Variants in TBC1D12 observed in about 807,000 individuals in gnomAD.
TBC1D12 encodes TBC1 domain family member 12, also known as TBC1 domain family, member 12.
TBC1D12 carries 56 observed loss-of-function variants against 86.7 expected under a neutral mutation model. That is an observed-to-expected ratio of 0.65 (90% CI 0.52 to 0.81). TBC1D12 has a LOEUF of 0.81. Among genes scored for constraint, TBC1D12 ranks in the 30% least tolerant of loss-of-function variants. The pLI, the probability that TBC1D12 is intolerant of heterozygous loss-of-function variation, is 0.00. For missense variants in TBC1D12, 1,023 were observed against 1,038.8 expected (o/e 0.98, Z 0.21); for synonymous variants, 421 against 411.7 (o/e 1.02, Z -0.27).
At chr10:94,522,180 T>C (rs1046040055) in intron 10 of TBC1D12, 97 bp downstream of exon 10, 1 of 1,414,656 alleles carries the variant, frequency 7.1e-7, no homozygotes, top group Non-Finnish European at 9.6e-7. Flanking sequence ...TAATCTAATA[T>C]AAACTTATCA....
chr10:94,438,796 T>A (rs1429068688), intron 1 of TBC1D12, among the ~76,000 whole-genome samples: 1 of 150,800 alleles, frequency 6.6e-6, no homozygotes, highest in Non-Finnish European at 1.5e-5. Context: ...TACTCTTAGT[T>A]TTTTTTTTTA....
intron 2 of TBC1D12, among the ~76,000 whole-genome samples, chr10:94,450,480 A>T (rs187063525): frequency 1.3e-5 from 2 of 152,204 alleles, no homozygotes; most frequent in East Asian, 3.9e-4. Context: ...AGGACAGTAT[A>T]TCAAAGATAC....
At position 94,402,995 on chromosome 10, in the gene TBC1D12, C is replaced by T. The variant is rs775734710; in HGVS notation, c.382C>T (p.Pro128Ser). 22 of 1,575,884 alleles carry T rather than the reference C, an allele frequency of 1.4e-5. No homozygotes were observed. Among genetic ancestry groups the T allele is most frequent in the Non-Finnish European group, 1.5e-5 (17 of 1,165,446 alleles). ...RGAEVADGRA[P>S]RHEGMTNGDS... is the part of the protein sequence containing the mutation. ...CGCGGAGGTGGCTGATGGCCGCGCG[C>T]CGCGGCACGAAGGCATGACCAACGG... The change falls in exon 1 of 13, where the codon CCG becomes TCG. Residue 128 changes from proline (P) to serine (S), a missense_variant. Pro to Ser is a moderately conservative substitution (Grantham distance 74). Transcript: ENST00000225235.
intron 2 of TBC1D12, among the ~76,000 whole-genome samples, chr10:94,455,481 A>G (rs2055613889): frequency 6.6e-6 from 1 of 152,140 alleles, no homozygotes; most frequent in Non-Finnish European, 1.5e-5. Context: ...TCTTCCTTAA[A>G]TGTTTGGTAG....
intron 4 of TBC1D12, among the ~76,000 whole-genome samples, chr10:94,495,806 G>T (rs1034524002): frequency 3.1e-4 from 47 of 151,774 alleles, no homozygotes; most frequent in African/African-American, 1.1e-3. Context: ...ACAAATAAAA[G>T]AAAGTAGAGA....
At position 94,403,428 on chromosome 10, in the gene TBC1D12, A is replaced by C. The variant is rs989607302; in HGVS notation, c.815A>C (p.Asn272Thr). 5 of 1,548,534 alleles carry C rather than the reference A, an allele frequency of 3.2e-6. No homozygotes were observed. In the Admixed American group the frequency reaches 5.9e-5, roughly 18 times the overall value. ...CTGGGCTTTTCTGACATTCACTTCA[A>C]CTCTCGCAACACGTTCCAGGTGAGC... ...PRLGFSDIHF[N>T]SRNTFQVSRG... is the part of the protein sequence containing the mutation. Residue 272 changes from asparagine (N) to threonine (T), a missense_variant, in exon 1 of 13, where the codon AAC becomes ACC. Transcript: ENST00000225235.
Position 94,515,530 on chromosome 10 carries a change from G to A in TBC1D12, c.1761+3876G>A, listed in dbSNP as rs561042221. On this transcript the variant is annotated intron_variant, in intron 9 of 12. Transcript: ENST00000225235. Reference sequence around the variant, plus strand: ...GCCCAGCTGATTTTTTGTATTTTTAGTAGAGACGGGGTTTCACTGTGTTGA... The same window carrying A: ...GCCCAGCTGATTTTTTGTATTTTTAATAGAGACGGGGTTTCACTGTGTTGA... Among the ~76,000 whole-genome samples, 10 of 151,372 alleles carry A rather than the reference G, an allele frequency of 6.6e-5. No homozygotes were observed. The South Asian group carries it at 2.1e-3, about 32-fold the overall frequency.
At chr10:94,517,376 TCAAAA>T (rs1293448297) in intron 9 of TBC1D12, among the ~76,000 whole-genome samples, 1 of 152,208 alleles carries the variant, frequency 6.6e-6, no homozygotes, top group Admixed American at 6.5e-5. Flanking sequence ...AGACTCTGTC[TCAAAA>T]CAAACAAACA....
At chr10:94,475,847 A>G (rs1248681370) in intron 3 of TBC1D12, among the ~76,000 whole-genome samples, 2 of 152,170 alleles carry the variant, frequency 1.3e-5, no homozygotes, top group African/African-American at 4.8e-5. Context: ...AAGCAAGACC[A>G]CTTGGTTCTT....
intron 9 of TBC1D12, 43 bp downstream of exon 9, chr10:94,511,697 A>G (rs1270450327): frequency 7.7e-7 from 1 of 1,304,808 alleles, no homozygotes; most frequent in South Asian, 1.2e-5. Flanking sequence ...TAAGCATTTT[A>G]TCTACACTCT....
intron 1 of TBC1D12, among the ~76,000 whole-genome samples, chr10:94,420,189 G>C (rs1282294389): frequency 1.3e-5 from 2 of 152,104 alleles, no homozygotes; most frequent in African/African-American, 4.8e-5. Flanking sequence ...GCCCTGGAGA[G>C]CTTGCTTCCC....
intron 2 of TBC1D12, among the ~76,000 whole-genome samples, chr10:94,444,293 T>C (rs2055420905): frequency 6.6e-6 from 1 of 152,006 alleles, no homozygotes; most frequent in Admixed American, 6.6e-5. Flanking sequence ...TGGACATAGC[T>C]ACTTATTAAA....
Position 94,402,910 on chromosome 10 carries a change from G to A in TBC1D12, c.297G>A (p.Pro99=). The A allele has an allele frequency of 1.3e-6, 2 of 1,499,796 alleles. No individual in the cohort carries two copies. The highest frequency in any genetic ancestry group is 2.6e-5 in the South Asian group (2 of 76,900). 92.9% of individuals were successfully genotyped at this position (1,499,796 alleles called of 1,614,324 possible). Residue 99 remains proline, a synonymous_variant, in exon 1 of 13, where the codon CCG becomes CCA. Transcript: ENST00000225235. The part of the protein sequence containing the change: ...PLPAGQAGAP[P]PSAAPRSDAC... Reference sequence around the variant, plus strand: ...CCGCTGGCCAGGCCGGCGCCCCGCCGCCCTCGGCAGCCCCACGATCGGACG... The same window carrying A: ...CCGCTGGCCAGGCCGGCGCCCCGCCACCCTCGGCAGCCCCACGATCGGACG...
chr10:94,425,943 T>C (rs1302631710), intron 1 of TBC1D12, among the ~76,000 whole-genome samples: 1 of 152,154 alleles, frequency 6.6e-6, no homozygotes, highest in Non-Finnish European at 1.5e-5. Flanking sequence ...TAAATGATAC[T>C]TCTTAAAAAT....
At chr10:94,504,088 G>GT (rs2056431812) in intron 6 of TBC1D12, among the ~76,000 whole-genome samples, 1 of 152,136 alleles carries the variant, frequency 6.6e-6, no homozygotes, top group Admixed American at 6.5e-5. Flanking sequence ...CAGATTGAAT[G>GT]TTTTTAAATT....
At chr10:94,433,211 T>A (rs2055243366) in intron 1 of TBC1D12, among the ~76,000 whole-genome samples, 1 of 151,690 alleles carries the variant, frequency 6.6e-6, no homozygotes, top group Non-Finnish European at 1.5e-5. Context: ...GAAACCCTCC[T>A]GGGTTCAAGC....
At chr10:94,510,229 T>A (rs751205335) in intron 8 of TBC1D12, 50 bp downstream of exon 8, 10 of 1,331,768 alleles carry the variant, frequency 7.5e-6, no homozygotes, top group Non-Finnish European at 1.0e-5. Flanking sequence ...TCTATCAATA[T>A]CCAAGGCAAC....
Position 94,531,255 on chromosome 10 carries a change from G to C in TBC1D12, c.2054G>C (p.Trp685Ser). ...CCACTTGATCTGGCCTGTCGAGTCT[G>C]GGATGTATTTTGCAGAGATGGGGAA... ...SLPLDLACRV[W>S]DVFCRDGEEF... Residue 685 changes from tryptophan to serine, a missense_variant, in exon 12 of 13, where the codon TGG becomes TCG. By Grantham distance (177) the Trp-to-Ser change is radical (BLOSUM62 -3). Transcript: ENST00000225235. 6.2e-7 allele frequency: 1 copy of C among 1,614,006 alleles called. No homozygotes were observed. Among genetic ancestry groups the C allele is most frequent in the African/African-American group, 1.3e-5 (1 of 75,024 alleles).
rs555556235 is a variant in TBC1D12, at chr10:94,409,220, C to G, written c.971+5636C>G. Among the ~76,000 whole-genome samples the G allele has an allele frequency of 3.3e-5, 5 of 152,222 alleles. No homozygotes were observed. The South Asian group carries it at 1.0e-3, about 32-fold the overall frequency. ...ATCCAGCATTGGTTCAGGACTTCAA[C>G]TTAGGAATTTGTGGCTTTCATTCAG... On this transcript the variant is annotated intron_variant, in intron 1 of 12. Transcript: ENST00000225235.
Sources: gnomAD v4.1 joint callset for allele counts (sites outside exome capture counted in the v4.1 genomes callset) on GRCh38, gnomAD v4.1.1 for gene constraint, MANE v1.5 for transcripts, NCBI Gene and HGNC (gene_info 2026-07-23, HGNC 2026-07-21) for gene names.